The following ACSM1 variants were observed in gnomAD, a reference collection of about 807,000 sequenced individuals.
ACSM1 encodes the protein acyl-coenzyme A synthetase ACSM1, mitochondrial.
Under a neutral mutation model 75.8 loss-of-function variants are expected in ACSM1, and 79 were observed. That is an observed-to-expected ratio of 1.04 (90% confidence interval 0.87 to 1.26). ACSM1 has a LOEUF of 1.26. ACSM1 is among the 50% of genes most tolerant of loss of function. The pLI, the probability that ACSM1 is intolerant of heterozygous loss-of-function variation, is 0.00. For synonymous variants in ACSM1, 279 were observed against 265.8 expected (o/e 1.05, Z -0.48); for missense variants, 676 against 720.1 (o/e 0.94, Z 0.70).
intron 4 of ACSM1, among the ~76,000 whole-genome samples, chr16:20,673,024 AT>A (rs2020051534): frequency 1.4e-5 from 2 of 144,290 alleles, no homozygotes; most frequent in African/African-American, 5.1e-5. Flanking sequence ...TATGTCATAT[AT>A]TATATACACT....
At chr16:20,627,833 TCTC>T (rs2017050011) in intron 10 of ACSM1, among the ~76,000 whole-genome samples, 2 of 73,028 alleles carry the variant, frequency 2.7e-5, no homozygotes, top group Non-Finnish European at 4.6e-5. Flanking sequence ...CATCTCTCTC[TCTC>T]TCTCTCTCTC....
chr16:20,629,724 T>C (rs1271523961), intron 10 of ACSM1, among the ~76,000 whole-genome samples: 1 of 152,192 alleles, frequency 6.6e-6, no homozygotes, highest in Non-Finnish European at 1.5e-5. Flanking sequence ...CTGGGCGTGG[T>C]GGCTCACAAC....
chr16:20,634,574 A>G (rs1041872088), intron 10 of ACSM1, among the ~76,000 whole-genome samples: 2 of 152,242 alleles, frequency 1.3e-5, no homozygotes, highest in South Asian at 2.1e-4. Flanking sequence ...ACGTTATGCT[A>G]AGTGAAATAA....
chr16:20,627,389 A>G (rs924445807), intron 10 of ACSM1, 73 bp from the exon 11 acceptor site: 31 of 1,464,434 alleles, frequency 2.1e-5, no homozygotes, highest in Non-Finnish European at 2.7e-5. Flanking sequence ...TTGGGTTCCA[A>G]TCTGGGTTTG....
At chr16:20,627,786 G>A (rs770767744) in intron 10 of ACSM1, among the ~76,000 whole-genome samples, 35 of 149,234 alleles carry the variant, frequency 2.3e-4, no homozygotes, top group Non-Finnish European at 3.4e-4. Context: ...CCAAGATCGC[G>A]CCACTGCAAT....
At chr16:20,636,704 TG>T (rs1358619064) in intron 10 of ACSM1, 34 bp downstream of exon 10, 6 of 1,520,936 alleles carry the variant, frequency 3.9e-6, no homozygotes, top group Non-Finnish European at 4.6e-6. Flanking sequence ...TTGGGATCCT[TG>T]GGGCCAGGAT....
At chr16:20,693,541 T>C (rs1350682882) in intron 1 of ACSM1, among the ~76,000 whole-genome samples, 1 of 152,196 alleles carries the variant, frequency 6.6e-6, no homozygotes, top group Non-Finnish European at 1.5e-5. Context: ...TCAACAATGA[T>C]AAAATACCGG....
At chr16:20,668,630 C>T (rs1253655066) in intron 6 of ACSM1, among the ~76,000 whole-genome samples, 1 of 152,056 alleles carries the variant, frequency 6.6e-6, no homozygotes, top group African/African-American at 2.4e-5. Flanking sequence ...AGGTACAGTC[C>T]TGACAGCCAC....
Position 20,648,996 on chromosome 16 carries a change from G to A in ACSM1, c.993-8412C>T, listed in dbSNP as rs1041009260. ...ATTGGTTTGTAGTATGAAAATTTCT[G>A]TAAATCCTCGAGAAGTTGGGGTTTC... is the stretch of plus-strand genomic sequence containing the variant. On this transcript the variant is annotated intron_variant, in intron 7 of 13. Coordinates refer to ENST00000520010, the MANE Select transcript of ACSM1 (RefSeq NM_001318890.3). The surrounding 1 kb of genome is among the most constrained non-coding windows in gnomAD (Gnocchi z 4.2). Among the ~76,000 whole-genome samples, 1 of 152,126 alleles carries A rather than the reference G, an allele frequency of 6.6e-6. No individual in the cohort carries two copies. Among genetic ancestry groups the A allele is most frequent in the Non-Finnish European group, 1.5e-5 (1 of 68,020 alleles).
intron 6 of ACSM1, among the ~76,000 whole-genome samples, chr16:20,667,184 A>G (rs1403077842): frequency 6.6e-6 from 1 of 152,216 alleles, no homozygotes; most frequent in Non-Finnish European, 1.5e-5. Context: ...AATATTTTCA[A>G]ACTATGCATC....
At chr16:20,694,313 G>A (rs1012776182) in intron 1 of ACSM1, among the ~76,000 whole-genome samples, 4 of 152,164 alleles carry the variant, frequency 2.6e-5, no homozygotes, top group Non-Finnish European at 5.9e-5. Flanking sequence ...TACTCTCCTG[G>A]CAAAACTGCT....
At chr16:20,655,284 A>T (rs2152245225) in intron 7 of ACSM1, among the ~76,000 whole-genome samples, 1 of 151,328 alleles carries the variant, frequency 6.6e-6, no homozygotes, top group African/African-American at 2.4e-5. Context: ...ACATTAGGAG[A>T]TATACCTAAT....
chr16:20,655,057 A>T (rs1370546774), intron 7 of ACSM1, among the ~76,000 whole-genome samples: 6 of 152,178 alleles, frequency 3.9e-5, no homozygotes, highest in Admixed American at 3.9e-4. Context: ...ACCATGGAAT[A>T]CTATGCAGCC....
intron 7 of ACSM1, among the ~76,000 whole-genome samples, chr16:20,657,091 T>C (rs2019010391): frequency 6.6e-6 from 1 of 152,056 alleles, no homozygotes; most frequent in South Asian, 2.1e-4. Flanking sequence ...CAGTTATAAG[T>C]TGTGAAGATA....
chr16:20,637,106 G>T (rs754999694), intron 9 of ACSM1: 2 of 756,968 alleles, frequency 2.6e-6, no homozygotes, highest in South Asian at 1.4e-5. Flanking sequence ...AGCACCACTT[G>T]CTAGAGAGGG....
intron 9 of ACSM1, 88 bp downstream of exon 9, chr16:20,637,283 A>T: frequency 1.0e-6 from 1 of 997,210 alleles, no homozygotes; most frequent in Non-Finnish European, 1.6e-6. Flanking sequence ...TGGAGCAGGG[A>T]AGTGCGGCTG....
chr16:20,646,528 C>T (rs1474656253), intron 7 of ACSM1, among the ~76,000 whole-genome samples: 3 of 152,194 alleles, frequency 2.0e-5, no homozygotes, highest in East Asian at 3.9e-4. Flanking sequence ...TCCCAGACAA[C>T]TGTCCTCCAG....
Position 20,685,064 on chromosome 16 carries a change from G to A in ACSM1, c.403+129C>T, listed in dbSNP as rs1020701890. 266 of 925,114 alleles carry A rather than the reference G, an allele frequency of 2.9e-4. 3 individuals carry two copies. The highest frequency in any genetic ancestry group is 6.3e-4 in the Middle Eastern group (2 of 3,162). The allele number at this position is 925,114 out of a possible 1,614,324, so 57.3% of individuals were successfully genotyped here. On this transcript the variant is annotated intron_variant, in intron 3 of 13. Coordinates refer to ENST00000520010, the MANE Select transcript of ACSM1 (RefSeq NM_001318890.3). ...CAGGAAGCCTTGCTTTGTGGTCCCAGCACAGAAACTGGGGCGAAGGCTTCA... is the reference window on the plus strand; with the variant it reads ...CAGGAAGCCTTGCTTTGTGGTCCCAACACAGAAACTGGGGCGAAGGCTTCA...
intron 11 of ACSM1, among the ~76,000 whole-genome samples, chr16:20,626,579 G>C (rs1004519438): frequency 6.6e-6 from 1 of 151,696 alleles, no homozygotes; most frequent in Non-Finnish European, 1.5e-5. Context: ...CACTTTCCTC[G>C]TTAGTAAAAT....
Sources: gnomAD v4.1 joint callset for allele counts (sites outside exome capture counted in the v4.1 genomes callset) on GRCh38, gnomAD v4.1.1 for gene constraint, Gnocchi (gnomAD v3.1) non-coding constraint, MANE v1.5 for transcripts, NCBI Gene and HGNC (gene_info 2026-07-23, HGNC 2026-07-21) for gene names.